The following TOX4 variants were observed in gnomAD, a reference collection of about 807,000 sequenced individuals.
TOX4 encodes the protein epidermal Langerhans cell protein LCP1.
Under a neutral mutation model 61.0 loss-of-function variants are expected in TOX4, and 12 were observed. The observed-to-expected ratio is 0.20, with a 90% confidence interval of 0.13 to 0.32. The LOEUF (loss-of-function observed/expected upper bound fraction) is 0.32. Among genes scored for constraint, TOX4 ranks in the 10% least tolerant of loss-of-function variants. The pLI is 1.00. For missense variants in TOX4, 499 were observed against 753.3 expected, an observed-to-expected ratio of 0.66 and a Z score of 3.95; for synonymous variants, 268 against 274.8, an observed-to-expected ratio of 0.98 and a Z score of 0.24.
Position 21,497,964 on chromosome 14 carries a change from T to G in TOX4, c.*1358T>G, listed in dbSNP as rs533384722. The G allele has an allele frequency of 2.1e-4, 61 of 291,796 alleles. No homozygotes were observed. The highest frequency in any genetic ancestry group is 1.2e-3 in the African/African-American group (55 of 45,882). 18.1% of individuals were successfully genotyped at this position (291,796 alleles called of 1,614,324 possible). ...TCCCAAAGTGCTCGGATTACAGGTG[T>G]GAGCCACTGTGCCTAGCCTATAATG... On this transcript the variant is annotated 3_prime_UTR_variant, in exon 9 of 9. Coordinates refer to ENST00000448790, the MANE Select transcript of TOX4 (RefSeq NM_014828.4).
chr14:21,498,067 A>G lies in TOX4; in HGVS notation c.*1461A>G, dbSNP rs1891450460. 2 of 576,024 alleles carry G rather than the reference A, an allele frequency of 3.5e-6. No individual in the cohort carries two copies. The highest frequency in any genetic ancestry group is 1.9e-5 in the African/African-American group (1 of 53,524). The allele number at this position is 576,024 out of a possible 1,614,324, so 35.7% of individuals were successfully genotyped here. A position where few individuals can be genotyped will look rare whatever the true frequency, so the allele number is the denominator to read the frequency against. ...CAATGAGGTAATACTCCCATTTCAC[A>G]TATAATACTGAGAGATGAGTTGCAC... is the stretch of plus-strand genomic sequence containing the variant. On this transcript the variant is annotated 3_prime_UTR_variant, in exon 9 of 9. Transcript: ENST00000448790.
intron 6 of TOX4, 65 bp from the exon 7 acceptor site, chr14:21,492,442 AG>A: frequency 1.2e-6 from 2 of 1,610,158 alleles, no homozygotes; most frequent in Non-Finnish European, 1.7e-6. Context: ...GTTTGTTAGC[AG>A]TTTTAAGAAG....
chr14:21,491,830 C>T (rs376311286), intron 5 of TOX4, among the ~76,000 whole-genome samples: 11 of 150,276 alleles, frequency 7.3e-5, no homozygotes, highest in African/African-American at 2.4e-4. Flanking sequence ...GCTAACACAG[C>T]GAAACCCCAT....
chr14:21,496,497 A>T, intron 8 of TOX4, 49 bp from the exon 9 acceptor site: 2 of 1,537,786 alleles, frequency 1.3e-6, no homozygotes, highest in Non-Finnish European at 1.8e-6. Context: ...CTGTAATTCT[A>T]TTTCAGTTTG....
rs1891469620 is a variant in TOX4 at position 21,498,564 on chromosome 14, A to G, written c.*1958A>G. Reference sequence around the variant, plus strand: ...GGCATAGATTCTGGTGTTAAAATAGACTGGATCTGTATTATCTGAGGGTTA... The same window carrying G: ...GGCATAGATTCTGGTGTTAAAATAGGCTGGATCTGTATTATCTGAGGGTTA... On this transcript the variant is annotated 3_prime_UTR_variant, in exon 9 of 9. Coordinates refer to ENST00000448790, the MANE Select transcript of TOX4 (RefSeq NM_014828.4). The G allele has an allele frequency of 2.8e-5, 17 of 607,144 alleles. No individual in the cohort carries two copies. The highest frequency in any genetic ancestry group is 2.3e-4 in the South Asian group (11 of 47,446). The allele number at this position is 607,144 out of a possible 1,614,324, so 37.6% of individuals were successfully genotyped here.
intron 3 of TOX4, 147 bp from the exon 4 acceptor site, chr14:21,488,443 A>T: frequency 2.5e-6 from 2 of 804,164 alleles, no homozygotes; most frequent in Non-Finnish European, 3.8e-6. Context: ...TTATTTTTTT[A>T]TTTTCATTTT....
rs529138706 is a variant in TOX4, at chr14:21,493,139, T to G, written c.1523T>G (p.Val508Gly). ...LPTLKMQTTLVPPTVESSPER... is the reference protein window; with the variant it reads ...LPTLKMQTTLGPPTVESSPER... ...ACTTTGAAAATGCAGACTACCTTAG[T>G]CCCACCAACTGTGGAAAGTAGTCCT... Residue 508 changes from valine (V) to glycine (G), a missense_variant, in exon 7 of 9, where the codon GTC becomes GGC. Physicochemically the swap from Val to Gly is moderately radical, Grantham distance 109. This residue lies in a region of TOX4 where 296 missense variants were observed against 404.7 expected (regional missense o/e 0.73). Coordinates refer to ENST00000448790, the MANE Select transcript of TOX4 (RefSeq NM_014828.4). 6.2e-7 allele frequency: 1 copy of G among 1,614,032 alleles called. No homozygotes were observed. Among genetic ancestry groups the G allele is most frequent in the South Asian group, 1.1e-5 (1 of 91,080 alleles).
rs201939359 is a variant in TOX4 at position 21,497,508 on chromosome 14, C to CTG, written c.*908_*909dup. 1 of 134,912 alleles carries CTG rather than the reference C, an allele frequency of 7.4e-6. No individual in the cohort carries two copies. Among genetic ancestry groups the CTG allele is most frequent in the African/African-American group, 2.8e-5 (1 of 35,716 alleles). The allele number at this position is 134,912 out of a possible 1,614,324, so 8.4% of individuals were successfully genotyped here. A position where few individuals can be genotyped will look rare whatever the true frequency, so the allele number is the denominator to read the frequency against. ...GTTTTATCCTATGCATTCCTGTTTT[C>CTG]TGTGTGTTTTTTGTTTTTTTTTTTT... is the stretch of plus-strand genomic sequence containing the variant. On this transcript the variant is annotated 3_prime_UTR_variant, in exon 9 of 9. Coordinates refer to ENST00000448790, the MANE Select transcript of TOX4 (RefSeq NM_014828.4).
intron 7 of TOX4, 114 bp downstream of exon 7, chr14:21,493,371 C>T: frequency 8.4e-7 from 1 of 1,191,696 alleles, no homozygotes; most frequent in Non-Finnish European, 1.2e-6. Flanking sequence ...ACCAGGAGCA[C>T]AAAACATCCT....
At chr14:21,490,957 C>A (rs1168522013) in intron 5 of TOX4, among the ~76,000 whole-genome samples, 1 of 152,234 alleles carries the variant, frequency 6.6e-6, no homozygotes, top group African/African-American at 2.4e-5. Flanking sequence ...TCCCAAGTAG[C>A]TGGGATTACC....
Position 21,492,957 on chromosome 14 carries a change from A to G in TOX4, c.1341A>G (p.Pro447=), listed in dbSNP as rs200488907. Residue 447 remains proline (P), a synonymous_variant, in exon 7 of 9, where the codon CCA becomes CCG. Transcript: ENST00000448790. ...CTCCACCCCGACTACAGCCCCCTCC[A>G]TTACAACAGATGCCACAGCCCCCGA... ...QLPPPRLQPP[P]LQQMPQPPTQ... is the part of the protein sequence containing the mutation. The G allele has an allele frequency of 5.0e-6, 8 of 1,613,146 alleles. No homozygotes were observed. The African/African-American group carries it at 8.0e-5, about 16-fold the overall frequency.
chr14:21,480,710 G>A (rs1338792962), intron 2 of TOX4, among the ~76,000 whole-genome samples: 1 of 152,054 alleles, frequency 6.6e-6, no homozygotes, highest in East Asian at 1.9e-4. Flanking sequence ...TCCACAGACT[G>A]GGAGAAGATA....
intron 2 of TOX4, among the ~76,000 whole-genome samples, chr14:21,480,338 T>C (rs1891086817): frequency 6.6e-6 from 1 of 152,204 alleles, no homozygotes; most frequent in African/African-American, 2.4e-5. Flanking sequence ...AGTTTTAGGC[T>C]CAATTTCAGT....
chr14:21,493,361 AC>A, intron 7 of TOX4, 104 bp downstream of exon 7: 1 of 1,314,348 alleles, frequency 7.6e-7, no homozygotes, highest in Non-Finnish European at 1.0e-6. Context: ...ATGCCCAGCA[AC>A]CAGGAGCACA....
intron 2 of TOX4, among the ~76,000 whole-genome samples, chr14:21,478,225 A>C (rs1163638156): frequency 1.3e-5 from 2 of 152,266 alleles, no homozygotes; most frequent in Admixed American, 6.5e-5. Context: ...GGCCTGAGCC[A>C]TTGCGCCCGG....
chr14:21,478,306 T>C (rs540358624), intron 2 of TOX4, among the ~76,000 whole-genome samples: 2 of 152,240 alleles, frequency 1.3e-5, no homozygotes, highest in Non-Finnish European at 2.9e-5. Context: ...GTTTTGCTAA[T>C]GTCAGGAGGA....
At chr14:21,496,257 G>A (rs946395498) in intron 8 of TOX4, 9 of 216,342 alleles carry the variant, frequency 4.2e-5, no homozygotes, top group Middle Eastern at 1.8e-3. Flanking sequence ...GCCGGGCGCG[G>A]TGGCTCACGC....
intron 6 of TOX4, 31 bp from the exon 7 acceptor site, chr14:21,492,477 A>G (rs1265181495): frequency 6.2e-7 from 1 of 1,611,154 alleles, no homozygotes; most frequent in South Asian, 1.1e-5. Flanking sequence ...GTGATTGATT[A>G]ATTGATAGAT....
At chr14:21,484,817 CCTGA>C (rs1384386606) in intron 2 of TOX4, among the ~76,000 whole-genome samples, 3 of 104,792 alleles carry the variant, frequency 2.9e-5, no homozygotes, top group East Asian at 3.7e-4. Context: ...TGCCACCATG[CCTGA>C]CTAATTTTTT....
Sources: gnomAD v4.1 joint callset for allele counts (sites outside exome capture counted in the v4.1 genomes callset) on GRCh38, gnomAD v4.1.1 for gene constraint, gnomAD v4.1.1 regional missense constraint, MANE v1.5 for transcripts, NCBI Gene and HGNC (gene_info 2026-07-23, HGNC 2026-07-21) for gene names.